RUFY3: variants seen among roughly 807,000 people sequenced by gnomAD.
RUFY3 encodes the protein RUN and FYVE domain containing 3.
RUFY3 carries 34 observed loss-of-function variants against 84.0 expected under a neutral mutation model. The ratio of observed to expected loss-of-function variants is 0.40; its 90% CI spans 0.31 to 0.54. The LOEUF is 0.54. RUFY3 is among the 20% of genes least tolerant of loss of function. The pLI is 0.39. For synonymous variants in RUFY3, 242 were observed against 252.9 expected (o/e 0.96, Z 0.41); for missense variants, 507 against 736.8 (o/e 0.69, Z 3.61).
chr4:70,749,321 T>C (rs919069419), intron 1 of RUFY3, among the ~76,000 whole-genome samples: 2 of 152,090 alleles, frequency 1.3e-5, no homozygotes, highest in Admixed American at 6.6e-5. Context: ...AAACTAAAAT[T>C]GATTATATTA....
intron 1 of RUFY3, among the ~76,000 whole-genome samples, chr4:70,741,265 AAAT>A (rs1302563926): frequency 6.6e-6 from 1 of 152,206 alleles, no homozygotes; most frequent in African/African-American, 2.4e-5. Flanking sequence ...GAAGTGATCA[AAAT>A]AATAGTTGAG....
chr4:70,798,846 G>A (rs1359708432), intron 14 of RUFY3, among the ~76,000 whole-genome samples: 1 of 151,928 alleles, frequency 6.6e-6, no homozygotes, highest in South Asian at 2.1e-4. Flanking sequence ...GGGCTTAAGA[G>A]TATTGGTAGA....
At chr4:70,705,285 G>A (rs1462305215) in exon 1 of RUFY3, 2 of 1,417,846 alleles carry the variant, frequency 1.4e-6, no homozygotes, top group Non-Finnish European at 1.8e-6. Context: ...CAGCGGCAGC[G>A]GCAAGCACCG....
chr4:70,732,311 T>C (rs1270724897), intron 1 of RUFY3, among the ~76,000 whole-genome samples: 1 of 152,244 alleles, frequency 6.6e-6, no homozygotes, highest in Non-Finnish European at 1.5e-5. Flanking sequence ...ACCTTTTCTT[T>C]GGCGTTCTTC....
chr4:70,778,455 C>T lies in RUFY3; in HGVS notation c.894+17C>T. On this transcript the variant is annotated intron_variant, in intron 8 of 17. Coordinates refer to ENST00000381006, the MANE Select transcript of RUFY3 (RefSeq NM_001037442.4). ...ACAGAGGAGGTAAGTTTTGGAAATG[C>T]TTTGATTGACTTATAGAATTTAATA... 1 of 1,398,670 alleles carries T rather than the reference C, an allele frequency of 7.1e-7. No individual in the cohort carries two copies. 86.6% of individuals were successfully genotyped at this position (1,398,670 alleles called of 1,614,324 possible).
chr4:70,705,540 C>T (rs1451696701), intron 1 of RUFY3, among the ~76,000 whole-genome samples: 3 of 151,626 alleles, frequency 2.0e-5, no homozygotes, highest in African/African-American at 7.3e-5. Context: ...CGGCTCCTGC[C>T]TGGCCTGGTC....
chr4:70,757,297 T>C (rs1035011099), intron 1 of RUFY3, among the ~76,000 whole-genome samples: 2 of 151,916 alleles, frequency 1.3e-5, no homozygotes, highest in African/African-American at 4.8e-5. Context: ...ACAAAACAAA[T>C]GGAACATTTA....
chr4:70,782,770 G>C (rs1166878038), intron 8 of RUFY3, among the ~76,000 whole-genome samples: 4 of 152,026 alleles, frequency 2.6e-5, no homozygotes. Context: ...AAAATTAGTT[G>C]GGCGTGGTGG....
intron 1 of RUFY3, among the ~76,000 whole-genome samples, chr4:70,754,543 T>G (rs75985701): frequency 0.012 from 1,862 of 150,490 alleles, 30 homozygotes; most frequent in South Asian, 0.056. Context: ...TTTTTTTTTT[T>G]GTAAATGAGG....
At chr4:70,709,419 C>T (rs1337931261) in intron 1 of RUFY3, among the ~76,000 whole-genome samples, 1 of 152,182 alleles carries the variant, frequency 6.6e-6, no homozygotes, top group South Asian at 2.1e-4. Context: ...ACCTCCAGCA[C>T]CCTCTCCCCG....
intron 5 of RUFY3, among the ~76,000 whole-genome samples, chr4:70,770,682 G>A (rs1013059018): frequency 6.6e-6 from 1 of 152,130 alleles, no homozygotes; most frequent in African/African-American, 2.4e-5. Context: ...CAATAAGGCT[G>A]TTTTGCTTTC....
intron 17 of RUFY3, 105 bp from the exon 18 acceptor site, chr4:70,806,411 T>C: frequency 7.8e-7 from 1 of 1,278,168 alleles, no homozygotes; most frequent in East Asian, 2.3e-5. Context: ...ATTCAGTCAT[T>C]GTTTGATTAG....
chr4:70,794,850 A>G lies in RUFY3; in HGVS notation c.1513A>G (p.Arg505Gly), dbSNP rs143588644. Residue 505 changes from arginine to glycine, a missense_variant, in exon 14 of 18, where the codon AGG becomes GGG. Around this residue, in one of 4 missense-constraint regions of RUFY3, gnomAD observed 334 missense variants for 364.1 expected, o/e 0.92. Coordinates refer to ENST00000381006, the MANE Select transcript of RUFY3 (RefSeq NM_001037442.4). Reference protein sequence around the residue: ...QEKERRLQNDRSIPGRGSQKS... With the variant: ...QEKERRLQNDGSIPGRGSQKS... ...AAAAGAAAGAAGATTACAAAACGACAGGAGCATCCCAGGAAGGGGTTCCCA... is the reference window on the plus strand; with the variant it reads ...AAAAGAAAGAAGATTACAAAACGACGGGAGCATCCCAGGAAGGGGTTCCCA... 1.2e-4 allele frequency: 197 copies of G among 1,613,388 alleles called. No homozygotes were observed. In the African/African-American group the frequency reaches 2.1e-3, roughly 17 times the overall value.
At chr4:70,780,573 A>G (rs921460744) in intron 8 of RUFY3, among the ~76,000 whole-genome samples, 1 of 152,188 alleles carries the variant, frequency 6.6e-6, no homozygotes, top group East Asian at 1.9e-4. Flanking sequence ...GATTACAGGC[A>G]TGAGCCGCCG....
upstream of RUFY3, among the ~76,000 whole-genome samples, chr4:70,718,534 G>T (rs569429606): frequency 6.6e-6 from 1 of 152,092 alleles, no homozygotes; most frequent in South Asian, 2.1e-4. Context: ...TTACAAATAG[G>T]TGCCATTACT....
intron 2 of RUFY3, 79 bp downstream of exon 2, chr4:70,762,771 TGGAGCCAAAGAATAAGA>T (rs1198737819): frequency 2.5e-6 from 3 of 1,212,922 alleles, no homozygotes; most frequent in African/African-American, 3.0e-5. Context: ...GCATTCTTTG[TGGAGCCAAAGAATAAGA>T]GGCTTGAATT....
Position 70,788,841 on chromosome 4 carries a change from G to A in RUFY3, c.1107G>A (p.Met369Ile). 6.2e-7 allele frequency: 1 copy of A among 1,614,114 alleles called. No individual in the cohort carries two copies. Among genetic ancestry groups the A allele is most frequent in the Non-Finnish European group, 8.5e-7 (1 of 1,179,980 alleles). Reference sequence around the variant, plus strand: ...AAGAACTGGAGATGCAGATCAGCATGAGGCAGGAGATGGAATTGGCTATGA... The same window carrying A: ...AAGAACTGGAGATGCAGATCAGCATAAGGCAGGAGATGGAATTGGCTATGA... ...VEKELEMQIS[M>I]RQEMELAMKM... Residue 369 changes from methionine (M) to isoleucine (I), a missense_variant, in exon 11 of 18, where the codon ATG becomes ATA. Around this residue, in one of 4 missense-constraint regions of RUFY3, gnomAD observed 334 missense variants for 364.1 expected, o/e 0.92. Coordinates refer to ENST00000381006, the MANE Select transcript of RUFY3 (RefSeq NM_001037442.4).
chr4:70,779,509 C>T (rs879680439), intron 8 of RUFY3, among the ~76,000 whole-genome samples: 8 of 151,786 alleles, frequency 5.3e-5, no homozygotes, highest in Admixed American at 3.9e-4. Flanking sequence ...CTTTAAATAG[C>T]ATTAGATGGT....
At chr4:70,789,907 AAGGAC>A in intron 12 of RUFY3, 1 of 1,045,676 alleles carries the variant, frequency 9.6e-7, no homozygotes, top group Non-Finnish European at 1.2e-6. Flanking sequence ...AAAAGCATGG[AAGGAC>A]TCTTAAATGT....
Sources: gnomAD v4.1 joint callset for allele counts (sites outside exome capture counted in the v4.1 genomes callset) on GRCh38, gnomAD v4.1.1 for gene constraint, gnomAD v4.1.1 regional missense constraint, MANE v1.5 for transcripts, NCBI Gene and HGNC (gene_info 2026-07-23, HGNC 2026-07-21) for gene names.